ZNG1C: variants seen among roughly 807,000 people sequenced by gnomAD.
ZNG1C encodes Zn regulated GTPase metalloprotein activator 1C, also known as zinc-regulated GTPase metalloprotein activator 1C.
At chr9:68,290,341 G>T in the ZNG1C span, among the ~76,000 whole-genome samples, 6 of 62,100 alleles carry the variant, frequency 9.7e-5, no homozygotes, top group Non-Finnish European at 2.2e-4. Flanking sequence ...GGCCAAGGTG[G>T]GTGGATTACT....
the ZNG1C span, chr9:68,247,528 A>G: frequency 1.9e-6 from 3 of 1,558,470 alleles, no homozygotes; most frequent in Non-Finnish European, 2.6e-6. Context: ...CTGCTTTAAG[A>G]TCTCCATTAT....
chr9:68,281,318 C>A, the ZNG1C span, among the ~76,000 whole-genome samples: 1 of 152,142 alleles, frequency 6.6e-6, no homozygotes, highest in Non-Finnish European at 1.5e-5. Flanking sequence ...ACGCTGGGAG[C>A]TGTAGACCGG....
the ZNG1C span, among the ~76,000 whole-genome samples, chr9:68,249,246 C>A: frequency 6.6e-6 from 1 of 150,966 alleles, no homozygotes; most frequent in African/African-American, 2.4e-5. Flanking sequence ...CGTATTAGTT[C>A]CAGAACCTCT....
chr9:68,281,102 G>A, the ZNG1C span, among the ~76,000 whole-genome samples: 1 of 142,328 alleles, frequency 7.0e-6, no homozygotes, highest in Non-Finnish European at 1.5e-5. Flanking sequence ...CAATCTTACA[G>A]GTGCAGTCTG....
the ZNG1C span, chr9:68,270,953 G>C: frequency 1.4e-5 from 2 of 148,106 alleles, no homozygotes; most frequent in Non-Finnish European, 3.0e-5. Context: ...CACTCTTATA[G>C]AAGTTTTGTT....
chr9:68,281,941 C>G, the ZNG1C span, among the ~76,000 whole-genome samples: 4 of 152,264 alleles, frequency 2.6e-5, no homozygotes, highest in African/African-American at 9.6e-5. Flanking sequence ...CAATGAATAT[C>G]TCATAAGTCT....
chr9:68,267,095 G>T, the ZNG1C span, among the ~76,000 whole-genome samples: 2 of 151,638 alleles, frequency 1.3e-5, no homozygotes, highest in African/African-American at 4.8e-5. Flanking sequence ...AGAGACATTC[G>T]GTAGCTATTA....
At chr9:68,269,183 A>G in the ZNG1C span, 12 of 523,300 alleles carry the variant, frequency 2.3e-5, no homozygotes, top group African/African-American at 1.9e-4. Context: ...CTTCAAAACT[A>G]AGATTACAAA....
the ZNG1C span, chr9:68,299,184 G>T: frequency 2.0e-5 from 30 of 1,465,870 alleles, no homozygotes; most frequent in Non-Finnish European, 2.7e-5. Flanking sequence ...TAACCATTCA[G>T]GTCCTCTTTT....
chr9:68,257,749 A>G, the ZNG1C span, among the ~76,000 whole-genome samples: 2 of 118,790 alleles, frequency 1.7e-5, no homozygotes, highest in African/African-American at 6.7e-5. Context: ...CATTTAAAAT[A>G]TATTAGAAAC....
At chr9:68,285,706 CA>C in the ZNG1C span, 1 of 404,792 alleles carries the variant, frequency 2.5e-6, no homozygotes, top group Non-Finnish European at 4.4e-6. Flanking sequence ...AATTTACTGA[CA>C]TATTTAACCA....
chr9:68,290,823 T>G, the ZNG1C span, among the ~76,000 whole-genome samples: 6 of 139,004 alleles, frequency 4.3e-5, no homozygotes, highest in Non-Finnish European at 9.3e-5. Context: ...AAAATGCATA[T>G]TATTATTACC....
chr9:68,275,303 A>T, the ZNG1C span, among the ~76,000 whole-genome samples: 1 of 139,472 alleles, frequency 7.2e-6, no homozygotes, highest in Non-Finnish European at 1.6e-5. Context: ...TTTATTTTTT[A>T]TTTTTTCTTG....
At chr9:68,256,748 A>G in the ZNG1C span, among the ~76,000 whole-genome samples, 2 of 122,394 alleles carry the variant, frequency 1.6e-5, no homozygotes, top group East Asian at 4.2e-4. Context: ...AAAAGGTTCT[A>G]TCACTATAAT....
At chr9:68,292,425 A>AT in the ZNG1C span, among the ~76,000 whole-genome samples, 1 of 75,808 alleles carries the variant, frequency 1.3e-5, no homozygotes, top group Non-Finnish European at 2.8e-5. Flanking sequence ...ATATATATAT[A>AT]TATAAAAAAG....
the ZNG1C span, among the ~76,000 whole-genome samples, chr9:68,287,529 T>C: frequency 6.6e-6 from 1 of 152,302 alleles, no homozygotes; most frequent in Non-Finnish European, 1.5e-5. Context: ...CTCCCAACAT[T>C]TCTTTTGCCT....
At chr9:68,257,917 C>A in the ZNG1C span, among the ~76,000 whole-genome samples, 1 of 144,872 alleles carries the variant, frequency 6.9e-6, no homozygotes, top group South Asian at 2.3e-4. Flanking sequence ...ATATATGTGG[C>A]GGGTAACTGG....
the ZNG1C span, among the ~76,000 whole-genome samples, chr9:68,296,510 G>T: frequency 2.6e-5 from 4 of 152,270 alleles, no homozygotes; most frequent in African/African-American, 9.6e-5. Flanking sequence ...ATACTTTAGC[G>T]ATTCTCTTGA....
the ZNG1C span, among the ~76,000 whole-genome samples, chr9:68,289,279 T>TG: frequency 6.7e-6 from 1 of 149,260 alleles, no homozygotes; most frequent in African/African-American, 2.5e-5. Flanking sequence ...TGAAACATGT[T>TG]GGTTACAGTG....
Sources: allele counts gnomAD v4.1 joint callset (sites outside exome capture counted in the v4.1 genomes callset), GRCh38; gene constraint gnomAD v4.1.1; transcripts MANE v1.5; gene names NCBI Gene and HGNC (gene_info 2026-07-23, HGNC 2026-07-21).